CARD8: variants seen among roughly 807,000 people sequenced by gnomAD.
The protein encoded by CARD8 is caspase recruitment domain family member 8, also known as caspase recruitment domain-containing protein 8.
A neutral mutation model predicts 53.2 loss-of-function variants in CARD8; 38 were observed. The ratio of observed to expected loss-of-function variants is 0.71; its 90% confidence interval spans 0.55 to 0.94. The LOEUF is 0.94. Among genes scored for constraint, CARD8 ranks in the 40% least tolerant of loss-of-function variants. The pLI, the probability that CARD8 is intolerant of heterozygous loss-of-function variation, is 0.00. For missense variants in CARD8, 561 were observed against 655.5 expected (o/e 0.86, Z 1.57); for synonymous variants, 245 against 244.9 (o/e 1.00, Z 0.00).
chr19:48,241,092 G>C lies in CARD8; in HGVS notation c.-43-29C>G, dbSNP rs1274672434. On this transcript the variant is annotated intron_variant, in intron 3 of 13. Coordinates refer to ENST00000651546, the MANE Select transcript of CARD8 (RefSeq NM_001184900.3). Reference sequence around the variant, plus strand: ...AAAAAATAAAAGGAGGTTGTATTTAGGTACTTGGGAAGAACCATCAGATAA... The same window carrying C: ...AAAAAATAAAAGGAGGTTGTATTTACGTACTTGGGAAGAACCATCAGATAA... The C allele has an allele frequency of 1.0e-5, 12 of 1,197,630 alleles. No homozygotes were observed. In the Admixed American group the frequency reaches 2.4e-4, roughly 24 times the overall value. The allele number at this position is 1,197,630 out of a possible 1,614,324, so 74.2% of individuals were successfully genotyped here.
chr19:48,206,866 G>A (rs2037365996), downstream of CARD8, among the ~76,000 whole-genome samples: 1 of 152,168 alleles, frequency 6.6e-6, no homozygotes, highest in Non-Finnish European at 1.5e-5. Context: ...CATCACTGCA[G>A]AAAGTTCTGT....
At chr19:48,229,952 CA>C (rs1429543385) in intron 10 of CARD8, among the ~76,000 whole-genome samples, 1 of 151,958 alleles carries the variant, frequency 6.6e-6, no homozygotes, top group Non-Finnish European at 1.5e-5. Context: ...GTCTCTACTA[CA>C]AATACAAAAA....
intron 6 of CARD8, chr19:48,232,723 A>G: frequency 1.5e-6 from 1 of 660,742 alleles, no homozygotes; most frequent in Non-Finnish European, 2.8e-6. Flanking sequence ...CGGCTATAAC[A>G]CTGTGTAGCA....
chr19:48,224,239 C>T (rs56336136), intron 10 of CARD8, among the ~76,000 whole-genome samples: 19,268 of 152,046 alleles, frequency 0.13, 1,600 homozygotes, highest in Admixed American at 0.24. Flanking sequence ...GGATTACAGG[C>T]GTGACCAAAT....
At chr19:48,232,794 C>T (rs1180750843) in intron 6 of CARD8, 1 of 560,444 alleles carries the variant, frequency 1.8e-6, no homozygotes, top group Non-Finnish European at 3.4e-6. Flanking sequence ...TCTAGACTAT[C>T]AAGAAATAGA....
intron 6 of CARD8, 195 bp downstream of exon 6, chr19:48,234,208 G>C (rs1454438945): frequency 3.5e-6 from 2 of 563,600 alleles, no homozygotes; most frequent in Non-Finnish European, 3.1e-6. Flanking sequence ...AGGTTCTCTA[G>C]ACACCTCCAT....
chr19:48,215,394 AG>A lies in CARD8; in HGVS notation c.1304-11del. 6.2e-7 allele frequency: 1 copy of A among 1,600,650 alleles called. No individual in the cohort carries two copies. The highest frequency in any genetic ancestry group is 8.6e-7 in the Non-Finnish European group (1 of 1,168,096). On this transcript the variant is annotated splice_polypyrimidine_tract_variant and intron_variant, in intron 12 of 13. Transcript: ENST00000651546. ...ACAAGCTGGAGATCCACTACAAAAG[AG>A]GGAAAAATTATATGATGAGATGAGA...
intron 5 of CARD8, 126 bp downstream of exon 5, chr19:48,238,252 GAAGAA>G (rs2044275819): frequency 7.2e-7 from 1 of 1,383,222 alleles, no homozygotes. Context: ...AGATAACAAA[GAAGAA>G]AAGTAACATA....
intron 13 of CARD8, among the ~76,000 whole-genome samples, chr19:48,212,450 A>G (rs754518547): frequency 2.0e-5 from 3 of 152,276 alleles, no homozygotes; most frequent in Non-Finnish European, 4.4e-5. Flanking sequence ...TACAATGCAT[A>G]GAAAAGGAAG....
chr19:48,234,391 A>G lies in CARD8; in HGVS notation c.350+12T>C, dbSNP rs2043476809. 1 of 1,604,758 alleles carries G rather than the reference A, an allele frequency of 6.2e-7. No individual in the cohort carries two copies. Among genetic ancestry groups the G allele is most frequent in the East Asian group, 2.2e-5 (1 of 44,702 alleles). Reference sequence around the variant, plus strand: ...GCGTCCAATAGTTTTCCAACGGAATAGCTTTTCTTACCTGGGAATGTCCCC... The same window carrying G: ...GCGTCCAATAGTTTTCCAACGGAATGGCTTTTCTTACCTGGGAATGTCCCC... On this transcript the variant is annotated intron_variant, in intron 6 of 13. Transcript: ENST00000651546.
At chr19:48,204,388 C>G (rs754810614), downstream of CARD8, 2 of 336,310 alleles carry the variant, frequency 5.9e-6, no homozygotes, top group Non-Finnish European at 1.2e-5. Context: ...GGGATGTTTT[C>G]AAGGACAGGG....
At chr19:48,239,795 C>T (rs377581169) in intron 4 of CARD8, among the ~76,000 whole-genome samples, 1 of 152,126 alleles carries the variant, frequency 6.6e-6, no homozygotes, top group East Asian at 1.9e-4. Flanking sequence ...ATTTTTAAAA[C>T]CTATGGACTG....
chr19:48,238,242 A>G, intron 5 of CARD8, 141 bp downstream of exon 5: 2 of 1,368,654 alleles, frequency 1.5e-6, no homozygotes, highest in Non-Finnish European at 1.9e-6. Flanking sequence ...TAAAAACTTA[A>G]GATAACAAAG....
intron 3 of CARD8, among the ~76,000 whole-genome samples, chr19:48,245,653 T>A (rs1334162732): frequency 1.3e-5 from 2 of 151,892 alleles, no homozygotes; most frequent in Non-Finnish European, 1.5e-5. Context: ...ATGACCCATA[T>A]AATGCTTTTA....
chr19:48,220,954 A>AAAGGAAGGAAGG (rs373278605), intron 11 of CARD8, among the ~76,000 whole-genome samples: 8 of 101,246 alleles, frequency 7.9e-5, no homozygotes, highest in Admixed American at 1.2e-4. Context: ...AAAGGAAAGG[A>AAAGGAAGGAAGG]AAGGAAGGAA....
chr19:48,229,114 G>A (rs1272508898), intron 10 of CARD8, among the ~76,000 whole-genome samples: 1 of 152,060 alleles, frequency 6.6e-6, no homozygotes, highest in Non-Finnish European at 1.5e-5. Flanking sequence ...TCTAGCCTGG[G>A]CAACAGAACA....
At chr19:48,249,923 C>G (rs1479086875) in intron 1 of CARD8, 76 bp from the exon 2 acceptor site, 2 of 152,176 alleles carry the variant, frequency 1.3e-5, no homozygotes, top group Non-Finnish European at 2.9e-5. Context: ...GAAAACAAAA[C>G]AAAACCCTCA....
intron 10 of CARD8, among the ~76,000 whole-genome samples, chr19:48,229,505 C>T (rs1365605906): frequency 6.6e-6 from 1 of 152,200 alleles, no homozygotes; most frequent in African/African-American, 2.4e-5. Flanking sequence ...TTACTCACCA[C>T]CCTAAGTCCT....
intron 7 of CARD8, chr19:48,232,122 T>C: frequency 1.8e-6 from 1 of 546,430 alleles, no homozygotes; most frequent in Non-Finnish European, 3.3e-6. Context: ...TGGTCCGAAA[T>C]AGCAGAAGAC....
Sources: allele counts gnomAD v4.1 joint callset (sites outside exome capture counted in the v4.1 genomes callset), GRCh38; gene constraint gnomAD v4.1.1; transcripts MANE v1.5; gene names NCBI Gene and HGNC (gene_info 2026-07-23, HGNC 2026-07-21).